The following PKD2 variants were observed in gnomAD, a reference collection of about 807,000 sequenced individuals.
PKD2 encodes polycystin 2, transient receptor potential cation channel.
A neutral mutation model predicts 105.9 loss-of-function variants in PKD2; 48 were observed. The ratio of observed to expected loss-of-function variants is 0.45; its 90% CI spans 0.36 to 0.58. The LOEUF (loss-of-function observed/expected upper bound fraction) is 0.58. PKD2 is among the 20% of genes least tolerant of loss of function. PKD2 has a pLI of 0.00. For missense variants in PKD2, 1,078 were observed against 1,255.3 expected, an observed-to-expected ratio of 0.86 and a Z score of 2.13; for synonymous variants, 464 against 481.1, an observed-to-expected ratio of 0.96 and a Z score of 0.46.
rs746444459 is a variant in PKD2, at chr4:88,038,519, A to G, written c.1094+18A>G. On this transcript the variant is annotated intron_variant, in intron 4 of 14. Coordinates refer to ENST00000237596, the MANE Select transcript of PKD2 (RefSeq NM_000297.4). ...GGAACCGCGTAAGTGTCTGTGACTC[A>G]TTGCCACTCGGTGATATTCATTCAT... is the stretch of plus-strand genomic sequence containing the variant. 1.9e-6 allele frequency: 3 copies of G among 1,612,790 alleles called. No individual in the cohort carries two copies. Among genetic ancestry groups the G allele is most frequent in the South Asian group, 1.1e-5 (1 of 91,040 alleles).
chr4:88,048,642 T>C (rs1727862520), intron 6 of PKD2, among the ~76,000 whole-genome samples: 1 of 152,146 alleles, frequency 6.6e-6, no homozygotes, highest in African/African-American at 2.4e-5. Context: ...ACTTTAGAGT[T>C]TTTACTTAAA....
chr4:88,067,913 G>T lies in PKD2; in HGVS notation c.2374G>T (p.Asp792Tyr), dbSNP rs775484419. 3 of 1,613,736 alleles carry T rather than the reference G, an allele frequency of 1.9e-6. No homozygotes were observed. Among genetic ancestry groups the T allele is most frequent in the African/African-American group, 2.7e-5 (2 of 74,878 alleles). Residue 792 changes from aspartate to tyrosine, a missense_variant, in exon 13 of 15, where the codon GAT (aspartate) becomes TAT (tyrosine). By Grantham distance (160) the Asp-to-Tyr change is radical. Around this residue, in one of 2 missense-constraint regions of PKD2, gnomAD observed 868 missense variants for 1,067.3 expected, o/e 0.81. Coordinates refer to ENST00000237596, the MANE Select transcript of PKD2 (RefSeq NM_000297.4). The part of the protein sequence containing the change: ...LEKEREDLDL[D>Y]HSSLPRPMSS... ...TGTTCTTCAGGAGGACCTGGATTTGGATCACAGTTCTTTACCACGTCCCAT... is the reference window on the plus strand; with the variant it reads ...TGTTCTTCAGGAGGACCTGGATTTGTATCACAGTTCTTTACCACGTCCCAT...
chr4:88,077,433 C>T lies in PKD2; in HGVS notation c.*1739C>T, dbSNP rs542649028. On this transcript the variant is annotated 3_prime_UTR_variant, in exon 15 of 15. Coordinates refer to ENST00000237596, the MANE Select transcript of PKD2 (RefSeq NM_000297.4). ...TACCATGTTGTTACATGTAAACAAA[C>T]TTCAATTTGAAGTGCAGCTATTATG... 54 of 152,708 alleles carry T rather than the reference C, an allele frequency of 3.5e-4. No individual in the cohort carries two copies. The highest frequency in any genetic ancestry group is 1.3e-3 in the African/African-American group (53 of 41,556). 9.5% of individuals were successfully genotyped at this position (152,708 alleles called of 1,614,324 possible).
intron 6 of PKD2, 58 bp from the exon 7 acceptor site, chr4:88,051,933 A>G: frequency 1.1e-6 from 1 of 931,742 alleles, no homozygotes; most frequent in South Asian, 1.4e-5. Context: ...TAGTCATATT[A>G]AGGTAAGTTT....
intron 6 of PKD2, among the ~76,000 whole-genome samples, chr4:88,051,457 TCTTA>T (rs1380016678): frequency 6.6e-6 from 1 of 152,248 alleles, no homozygotes; most frequent in Non-Finnish European, 1.5e-5. Flanking sequence ...TGTTTATTCC[TCTTA>T]GCCCTTGCAC....
At chr4:88,030,871 A>G (rs1345746065) in intron 2 of PKD2, among the ~76,000 whole-genome samples, 1 of 152,238 alleles carries the variant, frequency 6.6e-6, no homozygotes, top group East Asian at 1.9e-4. Flanking sequence ...AGGACTTCTC[A>G]TTTACTAACA....
Position 88,046,822 on chromosome 4 carries a change from A to G in PKD2, c.1500A>G (p.Leu500=), listed in dbSNP as rs939097843. 3 of 1,611,984 alleles carry G rather than the reference A, an allele frequency of 1.9e-6. No individual in the cohort carries two copies. In the African/African-American group the frequency reaches 4.0e-5, roughly 22 times the overall value. The change falls in exon 6 of 15, where the codon CTA becomes CTG. Residue 500 remains leucine (L), a synonymous_variant. Transcript: ENST00000237596. ...TATTGGAAATTCGCATTCACAAACTACACTATTTCAGGAGTTTCTGGAATT... is the reference window on the plus strand; with the variant it reads ...TATTGGAAATTCGCATTCACAAACTGCACTATTTCAGGAGTTTCTGGAATT... ...EEILEIRIHK[L]HYFRSFWNCL... is the part of the protein sequence containing the mutation.
chr4:88,032,300 G>T (rs1727189036), intron 2 of PKD2, among the ~76,000 whole-genome samples: 2 of 151,974 alleles, frequency 1.3e-5, no homozygotes, highest in South Asian at 4.1e-4. Flanking sequence ...ACATTATTAA[G>T]AATAAAATAG....
chr4:88,067,336 T>C (rs937674884), intron 12 of PKD2, among the ~76,000 whole-genome samples: 2 of 152,188 alleles, frequency 1.3e-5, no homozygotes, highest in African/African-American at 4.8e-5. Context: ...ATACTCAACC[T>C]GTAATATATT....
chr4:88,052,585 A>C (rs1720151528), intron 7 of PKD2, among the ~76,000 whole-genome samples: 1 of 152,194 alleles, frequency 6.6e-6, no homozygotes, highest in Non-Finnish European at 1.5e-5. Context: ...TTTTACATAT[A>C]AAGTAAACTA....
At chr4:88,023,484 G>T (rs1334514530) in intron 2 of PKD2, among the ~76,000 whole-genome samples, 3 of 152,202 alleles carry the variant, frequency 2.0e-5, no homozygotes, top group Non-Finnish European at 2.9e-5. Flanking sequence ...ATGAGATTTG[G>T]ATGGGGACAA....
chr4:88,057,472 A>G (rs1463429588), intron 8 of PKD2, among the ~76,000 whole-genome samples: 2 of 138,984 alleles, frequency 1.4e-5, no homozygotes, highest in Admixed American at 7.8e-5. Context: ...GTCTCGTTCC[A>G]TCGCCCAAGC....
At chr4:88,038,163 CA>C in intron 3 of PKD2, 87 bp from the exon 4 acceptor site, 1 of 1,366,220 alleles carries the variant, frequency 7.3e-7, no homozygotes, top group Non-Finnish European at 1.0e-6. Context: ...ATAGAGTTGC[CA>C]AATGCTTGGT....
chr4:88,028,685 G>A (rs574621746), intron 2 of PKD2, among the ~76,000 whole-genome samples: 1 of 152,306 alleles, frequency 6.6e-6, no homozygotes, highest in South Asian at 2.1e-4. Flanking sequence ...TGAGCTTACT[G>A]CCACTGCCCA....
intron 11 of PKD2, 105 bp from the exon 12 acceptor site, chr4:88,065,657 C>T: frequency 8.5e-7 from 1 of 1,176,244 alleles, no homozygotes. Context: ...AAAACTTGCC[C>T]CCATTTGGTG....
intron 6 of PKD2, among the ~76,000 whole-genome samples, chr4:88,049,383 G>A (rs1360821803): frequency 1.3e-5 from 2 of 152,224 alleles, no homozygotes; most frequent in East Asian, 3.8e-4. Flanking sequence ...AGGAAGAAAG[G>A]CAATGATATC....
chr4:88,025,996 T>TC (rs1362246665), intron 2 of PKD2, among the ~76,000 whole-genome samples: 1 of 152,084 alleles, frequency 6.6e-6, no homozygotes, highest in East Asian at 1.9e-4. Flanking sequence ...AATTACCGAG[T>TC]CTCAGGCAGT....
Position 88,034,522 on chromosome 4 carries a change from G to T in PKD2, c.710-1698G>T, listed in dbSNP as rs1373236828. Among the ~76,000 whole-genome samples the T allele has an allele frequency of 2.6e-5, 4 of 151,908 alleles. No individual in the cohort carries two copies. In the East Asian group the frequency reaches 5.8e-4, roughly 22 times the overall value. On this transcript the variant is annotated intron_variant, in intron 2 of 14. Transcript: ENST00000237596. Reference sequence around the variant, plus strand: ...TGTCTCTACTAAAAATAAAAAATCAGCTGGGCATGGTAGCACATGCCTGTA... The same window carrying T: ...TGTCTCTACTAAAAATAAAAAATCATCTGGGCATGGTAGCACATGCCTGTA...
chr4:88,052,912 G>A (rs1267533616), intron 7 of PKD2, among the ~76,000 whole-genome samples: 2 of 152,206 alleles, frequency 1.3e-5, no homozygotes, highest in African/African-American at 2.4e-5. Flanking sequence ...GGTTGGAACA[G>A]ACACTGCTTC....
Sources: gnomAD v4.1 joint callset for allele counts (sites outside exome capture counted in the v4.1 genomes callset) on GRCh38, gnomAD v4.1.1 for gene constraint, gnomAD v4.1.1 regional missense constraint, MANE v1.5 for transcripts, NCBI Gene and HGNC (gene_info 2026-07-23, HGNC 2026-07-21) for gene names.